SHF: variants seen among roughly 807,000 people sequenced by gnomAD.
The protein encoded by SHF is Src homology 2 domain containing F.
In SHF, 30 loss-of-function variants were observed where a neutral mutation model predicts 42.4. The ratio of observed to expected loss-of-function variants is 0.71; its 90% CI spans 0.53 to 0.96. The LOEUF (loss-of-function observed/expected upper bound fraction) is 0.96, where lower values mean the gene tolerates loss of function less well. Ranked by LOEUF, SHF falls within the 40% of genes least tolerant of loss-of-function variation. SHF has a pLI of 0.00. For missense variants in SHF, 598 were observed against 634.0 expected, an observed-to-expected ratio of 0.94 and a Z score of 0.61; for synonymous variants, 264 against 269.9, an observed-to-expected ratio of 0.98 and a Z score of 0.21.
At chr15:45,198,694 G>C in intron 2 of SHF, 2 of 1,519,832 alleles carry the variant, frequency 1.3e-6, no homozygotes, top group Admixed American at 2.0e-5. Flanking sequence ...CCGGGGACCC[G>C]TAGGGGTTGG....
intron 3 of SHF, among the ~76,000 whole-genome samples, chr15:45,174,724 T>C (rs1897701716): frequency 6.6e-6 from 1 of 152,166 alleles, no homozygotes; most frequent in African/African-American, 2.4e-5. Flanking sequence ...AAGAGATTTC[T>C]CACAGCCTCA....
chr15:45,200,506 C>T (rs573526576), intron 1 of SHF: 27 of 354,292 alleles, frequency 7.6e-5, no homozygotes, highest in Middle Eastern at 1.0e-3. Context: ...GACACAGGAC[C>T]TCGGCTTGTC....
At chr15:45,173,290 A>C (rs1204957153) in intron 4 of SHF, among the ~76,000 whole-genome samples, 1 of 152,156 alleles carries the variant, frequency 6.6e-6, no homozygotes, top group East Asian at 1.9e-4. Flanking sequence ...GAGTATTTGC[A>C]TTGCTGAAGG....
At chr15:45,177,632 G>A (rs973175319) in intron 2 of SHF, among the ~76,000 whole-genome samples, 4 of 152,062 alleles carry the variant, frequency 2.6e-5, no homozygotes, top group African/African-American at 9.7e-5. Context: ...CCTCAGGGCC[G>A]TGGCTTGGAC....
chr15:45,172,047 C>T (rs761054635), intron 5 of SHF, 45 bp from the exon 6 acceptor site: 22 of 1,613,696 alleles, frequency 1.4e-5, no homozygotes, highest in Admixed American at 1.7e-5. Flanking sequence ...CTGGGTCCCT[C>T]GCTGTCCAGG....
chr15:45,171,818 G>C, intron 6 of SHF, 65 bp downstream of exon 6: 1 of 1,549,258 alleles, frequency 6.5e-7, no homozygotes, highest in East Asian at 2.3e-5. Flanking sequence ...TTGGGCATAA[G>C]GGGAATACTG....
chr15:45,196,383 T>C (rs184387637), intron 2 of SHF, among the ~76,000 whole-genome samples: 13 of 152,170 alleles, frequency 8.5e-5, no homozygotes, highest in Admixed American at 8.5e-4. Flanking sequence ...CATGAGCCAC[T>C]GTGCCTGGCT....
chr15:45,177,098 A>G (rs1227242152), intron 2 of SHF, among the ~76,000 whole-genome samples: 1 of 152,100 alleles, frequency 6.6e-6, no homozygotes, highest in Non-Finnish European at 1.5e-5. Context: ...ACCTCTCCCA[A>G]GTAGGAAGAG....
At chr15:45,191,757 T>G (rs1163597764), upstream of SHF, among the ~76,000 whole-genome samples, 1 of 152,146 alleles carries the variant, frequency 6.6e-6, no homozygotes, top group African/African-American at 2.4e-5. Flanking sequence ...CAAATTTTTT[T>G]TGGGGAAAAC....
chr15:45,187,688 C>G lies in SHF; in HGVS notation c.264G>C (p.Ala88=), dbSNP rs1166886128. Residue 88 remains alanine, a synonymous_variant, in exon 1 of 7, where the codon GCG becomes GCC. Transcript: ENST00000690270. ...AGGCGGCCAGGATGTCCGGGGGCGG[C>G]GCGGGGGGCGCGGCCGGAGAGGGCG... is the stretch of plus-strand genomic sequence containing the variant. ...PPAPSPAAPP[A]PPPDILAAYR... The G allele has an allele frequency of 2.5e-6, 3 of 1,208,328 alleles. No individual in the cohort carries two copies. Among genetic ancestry groups the G allele is most frequent in the Non-Finnish European group, 3.1e-6 (3 of 969,922 alleles). The allele number at this position is 1,208,328 out of a possible 1,614,324, so 74.9% of individuals were successfully genotyped here.
At chr15:45,170,747 G>A (rs8034046) in intron 6 of SHF, 4,696 of 232,220 alleles carry the variant, frequency 0.02, 270 homozygotes, top group African/African-American at 0.11. Flanking sequence ...CGCCTCCTGG[G>A]TTCAAGCGAT....
chr15:45,192,469 G>A (rs1223014101), upstream of SHF, among the ~76,000 whole-genome samples: 3 of 145,712 alleles, frequency 2.1e-5, no homozygotes, highest in Admixed American at 7.1e-5. Context: ...CCGGGTTCAC[G>A]CCGTTCTCCC....
chr15:45,185,823 C>G (rs189769367), intron 1 of SHF, among the ~76,000 whole-genome samples: 5 of 152,232 alleles, frequency 3.3e-5, no homozygotes, highest in Non-Finnish European at 7.3e-5. Flanking sequence ...CCGACCCTCA[C>G]GCCACCCTGA....
chr15:45,172,396 A>T, intron 4 of SHF, 78 bp from the exon 5 acceptor site: 3 of 1,393,826 alleles, frequency 2.2e-6, no homozygotes, highest in Non-Finnish European at 2.9e-6. Flanking sequence ...CCAGTGCCCA[A>T]CCCCTACTTC....
At chr15:45,184,068 T>C (rs1054122108) in intron 1 of SHF, among the ~76,000 whole-genome samples, 2 of 152,206 alleles carry the variant, frequency 1.3e-5, no homozygotes, top group Non-Finnish European at 2.9e-5. Flanking sequence ...AGAAGAAACA[T>C]TAAAGCAAAC....
At chr15:45,183,547 C>G (rs988709272) in intron 1 of SHF, among the ~76,000 whole-genome samples, 19 of 152,342 alleles carry the variant, frequency 1.2e-4, no homozygotes, top group African/African-American at 4.1e-4. Flanking sequence ...GTTTGGGCCC[C>G]ACTTTTGCTC....
upstream of SHF, among the ~76,000 whole-genome samples, chr15:45,189,155 T>C (rs1898623746): frequency 7.1e-6 from 1 of 141,192 alleles, no homozygotes; most frequent in Non-Finnish European, 1.5e-5. Flanking sequence ...ATTGCGCGAC[T>C]GCACTCCAGC....
exon 1 of SHF, chr15:45,200,753 G>A (rs954444545): frequency 3.5e-5 from 16 of 456,148 alleles, no homozygotes; most frequent in Non-Finnish European, 6.6e-5. Flanking sequence ...GTTGTATGGT[G>A]GTGGGTCAGA....
upstream of SHF, among the ~76,000 whole-genome samples, chr15:45,189,335 C>T (rs1898634215): frequency 1.3e-5 from 2 of 151,574 alleles, no homozygotes; most frequent in South Asian, 4.2e-4. Context: ...CACTTTACCC[C>T]ACCCCCTTTC....
Sources: allele counts gnomAD v4.1 joint callset (sites outside exome capture counted in the v4.1 genomes callset), GRCh38; gene constraint gnomAD v4.1.1; transcripts MANE v1.5; gene names NCBI Gene and HGNC (gene_info 2026-07-23, HGNC 2026-07-21).